The following SPSB4 variants were observed in gnomAD, a reference collection of about 807,000 sequenced individuals.
SPSB4 encodes SPRY domain-containing SOCS box protein 4.
A neutral mutation model predicts 20.9 loss-of-function variants in SPSB4; 21 were observed. That is an observed-to-expected ratio of 1.01 (90% CI 0.71 to 1.45). SPSB4 has a LOEUF of 1.45. Among genes scored for constraint, SPSB4 ranks in the 40% most tolerant of loss-of-function variants. The pLI is 0.00. For missense variants in SPSB4, 399 were observed against 399.2 expected (o/e 1.00, Z 0.00); for synonymous variants, 207 against 183.8 (o/e 1.13, Z -1.02).
Position 141,066,649 on chromosome 3 carries a change from A to G in SPSB4, c.545A>G (p.Asp182Gly). The G allele has an allele frequency of 6.2e-7, 1 of 1,612,836 alleles. No homozygotes were observed. Among genetic ancestry groups the G allele is most frequent in the Non-Finnish European group, 8.5e-7 (1 of 1,179,602 alleles). The change falls in exon 2 of 3, where the codon GAC becomes GGC. Residue 182 changes from aspartate (D) to glycine (G), a missense_variant. Asp to Gly is a moderately conservative substitution (Grantham distance 94, BLOSUM62 -1). Coordinates refer to ENST00000310546, the MANE Select transcript of SPSB4 (RefSeq NM_080862.3). ...CCCGACTCGCTGCTCGTGGTGCTGG[A>G]CATGGATGAGGGCACACTCAGCTTC... ...ALPDSLLVVL[D>G]MDEGTLSFIV...
At chr3:141,121,585 A>G (rs1206457949) in intron 2 of SPSB4, among the ~76,000 whole-genome samples, 1 of 152,132 alleles carries the variant, frequency 6.6e-6, no homozygotes, top group Admixed American at 6.5e-5. Context: ...ACATAGTTCC[A>G]CATTTCTTGG....
chr3:141,068,009 T>G (rs1374188220), intron 2 of SPSB4, among the ~76,000 whole-genome samples: 2 of 152,254 alleles, frequency 1.3e-5, no homozygotes, highest in Non-Finnish European at 2.9e-5. Flanking sequence ...ACTCGTTTCC[T>G]ATGTTCTCCC....
chr3:141,066,587 C>T lies in SPSB4; in HGVS notation c.483C>T (p.Tyr161=). 6.4e-7 allele frequency: 1 copy of T among 1,567,288 alleles called. No individual in the cohort carries two copies. The highest frequency in any genetic ancestry group is 1.2e-5 in the South Asian group (1 of 83,472). Residue 161 remains tyrosine (Y), a synonymous_variant, in exon 2 of 3, where the codon TAC becomes TAT. Coordinates refer to ENST00000310546, the MANE Select transcript of SPSB4 (RefSeq NM_080862.3). ...HDGKNQPGVA[Y]PAFLGPDEAF... is the part of the protein sequence containing the mutation. ...GCAAGAACCAGCCCGGCGTGGCCTA[C>T]CCGGCCTTTCTGGGGCCCGACGAGG...
intron 2 of SPSB4, among the ~76,000 whole-genome samples, chr3:141,072,779 T>C (rs1163447934): frequency 6.6e-6 from 1 of 152,202 alleles, no homozygotes; most frequent in Non-Finnish European, 1.5e-5. Context: ...CCAAAGGGCG[T>C]ATGGTGAAAT....
rs777508344 is a variant in SPSB4, at chr3:141,066,591, G to T, written c.487G>T (p.Ala163Ser). 1.9e-6 allele frequency: 3 copies of T among 1,571,578 alleles called. No individual in the cohort carries two copies. Among genetic ancestry groups the T allele is most frequent in the South Asian group, 1.2e-5 (1 of 84,316 alleles). Reference sequence around the variant, plus strand: ...GAACCAGCCCGGCGTGGCCTACCCGGCCTTTCTGGGGCCCGACGAGGCCTT... The same window carrying T: ...GAACCAGCCCGGCGTGGCCTACCCGTCCTTTCTGGGGCCCGACGAGGCCTT... ...GKNQPGVAYP[A>S]FLGPDEAFAL... Residue 163 changes from alanine (A) to serine (S), a missense_variant, in exon 2 of 3, where the codon GCC becomes TCC. By Grantham distance (99) the Ala-to-Ser change is moderately conservative (BLOSUM62 1). Transcript: ENST00000310546.
intron 1 of SPSB4, among the ~76,000 whole-genome samples, chr3:141,058,896 T>C (rs887696839): frequency 3.3e-5 from 5 of 152,144 alleles, no homozygotes; most frequent in African/African-American, 4.8e-5. Flanking sequence ...CCTGGCCCTT[T>C]CTCTGCTTCA....
intron 1 of SPSB4, among the ~76,000 whole-genome samples, chr3:141,054,262 G>A (rs1165747565): frequency 1.3e-5 from 2 of 152,092 alleles, no homozygotes; most frequent in African/African-American, 4.8e-5. Context: ...GGAGTGAAGG[G>A]TCTTGGGCAT....
intron 2 of SPSB4, among the ~76,000 whole-genome samples, chr3:141,114,259 G>A (rs1402562216): frequency 1.3e-5 from 2 of 152,114 alleles, no homozygotes; most frequent in Non-Finnish European, 2.9e-5. Context: ...GCATGGCCCT[G>A]GGGGAGCACC....
At chr3:141,062,998 G>C (rs1434612363) in intron 1 of SPSB4, among the ~76,000 whole-genome samples, 1 of 152,222 alleles carries the variant, frequency 6.6e-6, no homozygotes, top group African/African-American at 2.4e-5. Flanking sequence ...CCTCTGATGT[G>C]TGTCTGTCTA....
At chr3:141,060,022 TG>T (rs1937730940) in intron 1 of SPSB4, among the ~76,000 whole-genome samples, 1 of 152,228 alleles carries the variant, frequency 6.6e-6, no homozygotes, top group Admixed American at 6.5e-5. Context: ...TTATCATTCA[TG>T]GACATGAGCA....
intron 1 of SPSB4, among the ~76,000 whole-genome samples, chr3:141,054,431 G>A (rs1186319907): frequency 1.3e-5 from 2 of 152,242 alleles, no homozygotes; most frequent in East Asian, 1.9e-4. Flanking sequence ...CCAGCAACAC[G>A]TTTTTAATAA....
chr3:141,145,994 C>T (rs183117475), intron 2 of SPSB4, among the ~76,000 whole-genome samples: 72 of 152,242 alleles, frequency 4.7e-4, no homozygotes, highest in African/African-American at 1.5e-3. Context: ...AGTTTCTGTA[C>T]CTGTATATTT....
intron 2 of SPSB4, among the ~76,000 whole-genome samples, chr3:141,143,637 C>T (rs1939370702): frequency 6.6e-6 from 1 of 152,178 alleles, no homozygotes; most frequent in Admixed American, 6.5e-5. Flanking sequence ...ACTTGGGACC[C>T]ACTTGCTAGC....
intron 2 of SPSB4, among the ~76,000 whole-genome samples, chr3:141,109,477 C>T (rs1483487145): frequency 1.3e-5 from 2 of 152,242 alleles, no homozygotes; most frequent in East Asian, 3.9e-4. Context: ...CCCATACCCA[C>T]CCTGGGCCAG....
intron 2 of SPSB4, among the ~76,000 whole-genome samples, chr3:141,075,950 C>T (rs924237901): frequency 2.0e-5 from 3 of 148,940 alleles, no homozygotes; most frequent in African/African-American, 7.4e-5. Flanking sequence ...ATCCCAGCTA[C>T]TCAGGAGGCT....
At chr3:141,078,127 G>T (rs1007557199) in intron 2 of SPSB4, among the ~76,000 whole-genome samples, 4 of 152,212 alleles carry the variant, frequency 2.6e-5, no homozygotes, top group African/African-American at 9.7e-5. Context: ...CTCAGGTGCA[G>T]GCAGAGGCTC....
chr3:141,143,037 C>T (rs565823734), intron 2 of SPSB4, among the ~76,000 whole-genome samples: 3 of 152,042 alleles, frequency 2.0e-5, no homozygotes, highest in East Asian at 1.9e-4. Context: ...AGGATGGTCT[C>T]CATCTCCTGA....
intron 2 of SPSB4, among the ~76,000 whole-genome samples, chr3:141,122,697 G>A (rs2107801829): frequency 6.6e-6 from 1 of 152,338 alleles, no homozygotes; most frequent in South Asian, 2.1e-4. Flanking sequence ...GTCAATCTCA[G>A]ACTGCTACGG....
At chr3:141,135,442 C>A (rs1294401492) in intron 2 of SPSB4, among the ~76,000 whole-genome samples, 1 of 151,748 alleles carries the variant, frequency 6.6e-6, no homozygotes, top group Non-Finnish European at 1.5e-5. Flanking sequence ...GTGTGCTGCA[C>A]CCATTAACTC....
Sources: gnomAD v4.1 joint callset for allele counts (sites outside exome capture counted in the v4.1 genomes callset) on GRCh38, gnomAD v4.1.1 for gene constraint, MANE v1.5 for transcripts, NCBI Gene and HGNC (gene_info 2026-07-23, HGNC 2026-07-21) for gene names.